The following ARHGAP10 variants were observed in gnomAD, a reference collection of about 807,000 sequenced individuals.
The protein encoded by ARHGAP10 is rho GTPase-activating protein 10.
In ARHGAP10, 87 loss-of-function variants were observed where a neutral mutation model predicts 108.6. The ratio of observed to expected loss-of-function variants is 0.80; its 90% CI spans 0.67 to 0.96. The LOEUF is 0.96. ARHGAP10 is among the 40% of genes least tolerant of loss of function. The pLI is 0.00. For synonymous variants in ARHGAP10, 347 were observed against 341.1 expected, an observed-to-expected ratio of 1.02 and a Z score of -0.19; for missense variants, 939 against 954.5, an observed-to-expected ratio of 0.98 and a Z score of 0.21.
chr4:148,044,766 A>G (rs1728800872), intron 19 of ARHGAP10, among the ~76,000 whole-genome samples: 1 of 152,190 alleles, frequency 6.6e-6, no homozygotes, highest in East Asian at 1.9e-4. Flanking sequence ...CGCTGGGCAC[A>G]GGGGATGATG....
chr4:147,999,468 C>T (rs7668368), intron 18 of ARHGAP10, among the ~76,000 whole-genome samples: 5,581 of 152,292 alleles, frequency 0.037, 330 homozygotes, highest in African/African-American at 0.13. Flanking sequence ...ATTGCAGCCC[C>T]ACCACTGACT....
At chr4:147,903,871 C>T (rs1736347546) in intron 10 of ARHGAP10, among the ~76,000 whole-genome samples, 1 of 152,310 alleles carries the variant, frequency 6.6e-6, no homozygotes, top group South Asian at 2.1e-4. Flanking sequence ...ATCTTGGCTG[C>T]TTCAAAGTTT....
intron 16 of ARHGAP10, among the ~76,000 whole-genome samples, chr4:147,956,713 A>T (rs1665062784): frequency 6.6e-6 from 1 of 152,036 alleles, no homozygotes; most frequent in Non-Finnish European, 1.5e-5. Context: ...GAATTAGAGA[A>T]AGATAAAGTG....
chr4:148,037,441 C>G (rs1393434829), intron 19 of ARHGAP10, among the ~76,000 whole-genome samples: 2 of 152,150 alleles, frequency 1.3e-5, no homozygotes. Context: ...TCTGAGATGT[C>G]TCTTTTTGCA....
chr4:148,033,905 G>A (rs1728259565), intron 19 of ARHGAP10, among the ~76,000 whole-genome samples: 1 of 152,086 alleles, frequency 6.6e-6, no homozygotes, highest in Admixed American at 6.5e-5. Flanking sequence ...ACGTTGTCCC[G>A]GCGTTTTGGG....
At chr4:147,932,548 C>A (rs954349375) in intron 13 of ARHGAP10, among the ~76,000 whole-genome samples, 1 of 149,320 alleles carries the variant, frequency 6.7e-6, no homozygotes, top group South Asian at 2.1e-4. Flanking sequence ...CAAAGTAATG[C>A]AGAAACAGAA....
chr4:148,060,060 G>T (rs1160250845), intron 20 of ARHGAP10, among the ~76,000 whole-genome samples: 2 of 152,050 alleles, frequency 1.3e-5, no homozygotes, highest in Non-Finnish European at 1.5e-5. Context: ...ATGCCTTAGG[G>T]CTCAGTTCTC....
chr4:147,759,191 G>A (rs966129213), intron 1 of ARHGAP10, among the ~76,000 whole-genome samples: 7 of 152,080 alleles, frequency 4.6e-5, no homozygotes, highest in African/African-American at 1.7e-4. Flanking sequence ...GTGTTACTTT[G>A]TTAAACTTCC....
At chr4:147,856,970 A>C (rs1439443982) in intron 4 of ARHGAP10, among the ~76,000 whole-genome samples, 1 of 152,174 alleles carries the variant, frequency 6.6e-6, no homozygotes, top group Non-Finnish European at 1.5e-5. Flanking sequence ...CTCACGCCTC[A>C]GCCTCCTGAG....
intron 1 of ARHGAP10, among the ~76,000 whole-genome samples, chr4:147,803,154 G>A (rs1231015337): frequency 6.6e-6 from 1 of 152,004 alleles, no homozygotes; most frequent in Non-Finnish European, 1.5e-5. Context: ...GATTACAGGT[G>A]TGCACCACAA....
intron 15 of ARHGAP10, among the ~76,000 whole-genome samples, chr4:147,950,191 G>A (rs1738540462): frequency 6.6e-6 from 1 of 152,184 alleles, no homozygotes; most frequent in South Asian, 2.1e-4. Context: ...TGAAAGTTGG[G>A]TTGCTGTTCT....
intron 5 of ARHGAP10, among the ~76,000 whole-genome samples, chr4:147,859,492 T>A (rs1394915513): frequency 6.6e-6 from 1 of 152,168 alleles, no homozygotes; most frequent in Non-Finnish European, 1.5e-5. Flanking sequence ...CAGGCTGTTC[T>A]TGAACTCCTG....
intron 18 of ARHGAP10, among the ~76,000 whole-genome samples, chr4:147,977,521 G>A (rs905993238): frequency 3.3e-5 from 5 of 152,162 alleles, no homozygotes; most frequent in African/African-American, 7.2e-5. Flanking sequence ...ATGATTGTGT[G>A]CCAGGCACTA....
At chr4:147,862,317 G>A (rs1031637262) in intron 5 of ARHGAP10, 2 of 152,712 alleles carry the variant, frequency 1.3e-5, no homozygotes, top group Non-Finnish European at 2.9e-5. Flanking sequence ...GGGAGCAGGA[G>A]CAGGCACTTC....
chr4:147,785,050 C>A (rs1367632900), intron 1 of ARHGAP10, among the ~76,000 whole-genome samples: 1 of 121,902 alleles, frequency 8.2e-6, no homozygotes, highest in African/African-American at 3.0e-5. Flanking sequence ...GCAGTTGATT[C>A]CAAGATGATG....
At chr4:148,037,637 T>C (rs1170445292) in intron 19 of ARHGAP10, among the ~76,000 whole-genome samples, 3 of 152,030 alleles carry the variant, frequency 2.0e-5, no homozygotes, top group Non-Finnish European at 4.4e-5. Context: ...GAGATTGAGA[T>C]CATCCTGGCC....
chr4:147,733,588 G>T (rs1728310106), intron 1 of ARHGAP10, among the ~76,000 whole-genome samples: 1 of 152,146 alleles, frequency 6.6e-6, no homozygotes, highest in Non-Finnish European at 1.5e-5. Flanking sequence ...CACCTCTGGG[G>T]AAAATCCCCC....
At chr4:147,819,166 C>CAG (rs1343271232) in intron 1 of ARHGAP10, among the ~76,000 whole-genome samples, 3 of 152,110 alleles carry the variant, frequency 2.0e-5, no homozygotes, top group Non-Finnish European at 2.9e-5. Flanking sequence ...TTTAACTTTC[C>CAG]AGAGAACCTA....
At chr4:147,926,240 T>C (rs1165510746) in intron 13 of ARHGAP10, among the ~76,000 whole-genome samples, 1 of 152,026 alleles carries the variant, frequency 6.6e-6, no homozygotes, top group Non-Finnish European at 1.5e-5. Flanking sequence ...TGACAGAGAA[T>C]AGAATTGGTG....
Sources: allele counts gnomAD v4.1 joint callset (sites outside exome capture counted in the v4.1 genomes callset), GRCh38; gene constraint gnomAD v4.1.1; transcripts MANE v1.5; gene names NCBI Gene and HGNC (gene_info 2026-07-23, HGNC 2026-07-21).